The following MBNL1 variants were observed in gnomAD, a reference collection of about 807,000 sequenced individuals.
MBNL1 encodes muscleblind like splicing regulator 1.
A neutral mutation model predicts 42.2 loss-of-function variants in MBNL1; 8 were observed. That is an observed-to-expected ratio of 0.19 (90% CI 0.11 to 0.34). The LOEUF is 0.34. Ranked by LOEUF, MBNL1 falls within the 10% of genes least tolerant of loss-of-function variation. MBNL1 has a pLI of 1.00. For synonymous variants in MBNL1, 169 were observed against 173.9 expected, an observed-to-expected ratio of 0.97 and a Z score of 0.22; for missense variants, 309 against 495.3, an observed-to-expected ratio of 0.62 and a Z score of 3.57.
At chr3:152,368,142 A>G (rs765451510) in intron 2 of MBNL1, among the ~76,000 whole-genome samples, 6 of 152,014 alleles carry the variant, frequency 3.9e-5, no homozygotes, top group Non-Finnish European at 8.8e-5. Flanking sequence ...TTATGGTTTT[A>G]GGTCTTATGT....
At chr3:152,248,070 A>G (rs2149365170) in intron 2 of MBNL1, among the ~76,000 whole-genome samples, 1 of 152,032 alleles carries the variant, frequency 6.6e-6, no homozygotes, top group East Asian at 1.9e-4. Context: ...AAATTGCAAT[A>G]TGATTTTGAG....
chr3:152,257,154 G>A (rs867850363), intron 2 of MBNL1, among the ~76,000 whole-genome samples: 11 of 152,272 alleles, frequency 7.2e-5, no homozygotes, highest in Admixed American at 2.0e-4. Flanking sequence ...TTTTAAGTGC[G>A]TGTGTGTGAG....
intron 1 of MBNL1, among the ~76,000 whole-genome samples, chr3:152,296,441 A>G (rs560988171): frequency 2.6e-4 from 39 of 152,342 alleles, no homozygotes; most frequent in Non-Finnish European, 5.6e-4. Flanking sequence ...ACTTGTGAGT[A>G]GGAAGGTAAG....
chr3:152,400,555 A>G (rs2098170785), intron 2 of MBNL1, among the ~76,000 whole-genome samples: 2 of 152,222 alleles, frequency 1.3e-5, no homozygotes, highest in African/African-American at 4.8e-5. Context: ...AAGGGCTCTC[A>G]TGGGTACATT....
intron 3 of MBNL1, among the ~76,000 whole-genome samples, chr3:152,420,234 G>C (rs1201735039): frequency 1.3e-5 from 2 of 152,198 alleles, no homozygotes; most frequent in Non-Finnish European, 2.9e-5. Flanking sequence ...GAGAGCAGCA[G>C]ATCTCCCACC....
chr3:152,368,625 T>C (rs1411664039), intron 2 of MBNL1, among the ~76,000 whole-genome samples: 3 of 152,252 alleles, frequency 2.0e-5, no homozygotes, highest in South Asian at 2.1e-4. Flanking sequence ...TTTCATGATA[T>C]TGATTCTTCC....
intron 2 of MBNL1, among the ~76,000 whole-genome samples, chr3:152,401,608 G>C (rs1242808762): frequency 6.6e-6 from 1 of 152,168 alleles, no homozygotes; most frequent in Non-Finnish European, 1.5e-5. Context: ...ATAAGGTCAT[G>C]TAGCTAGCGG....
chr3:152,254,725 AATG>A (rs1173272151), intron 2 of MBNL1, among the ~76,000 whole-genome samples: 1 of 152,116 alleles, frequency 6.6e-6, no homozygotes, highest in African/African-American at 2.4e-5. Flanking sequence ...AACCAATGAT[AATG>A]ATGATAATTG....
chr3:152,460,268 T>A (rs1198829674), intron 9 of MBNL1, among the ~76,000 whole-genome samples: 4 of 150,720 alleles, frequency 2.7e-5, no homozygotes, highest in Non-Finnish European at 5.9e-5. Flanking sequence ...AAAAAAAATG[T>A]AGTGAGTCTG....
chr3:152,273,950 A>C (rs771002251), intron 1 of MBNL1, among the ~76,000 whole-genome samples: 1 of 152,204 alleles, frequency 6.6e-6, no homozygotes, highest in Non-Finnish European at 1.5e-5. Flanking sequence ...AATTTATTCA[A>C]ATCACCTGAA....
At chr3:152,384,142 A>T (rs974872571) in intron 2 of MBNL1, among the ~76,000 whole-genome samples, 4 of 152,122 alleles carry the variant, frequency 2.6e-5, no homozygotes, top group Admixed American at 6.6e-5. Flanking sequence ...GAAGTTTGTA[A>T]TGTTTTATTT....
At chr3:152,405,974 A>G (rs544178196) in intron 2 of MBNL1, among the ~76,000 whole-genome samples, 1 of 152,322 alleles carries the variant, frequency 6.6e-6, no homozygotes, top group East Asian at 1.9e-4. Flanking sequence ...CAATTTAAAA[A>G]TAATAGAAAC....
chr3:152,278,799 T>C (rs2046756857), intron 1 of MBNL1, among the ~76,000 whole-genome samples: 1 of 152,116 alleles, frequency 6.6e-6, no homozygotes, highest in Admixed American at 6.6e-5. Context: ...ACAAACATAT[T>C]CTGAGCACGT....
At chr3:152,342,674 G>A (rs1463336405) in intron 2 of MBNL1, among the ~76,000 whole-genome samples, 1 of 151,726 alleles carries the variant, frequency 6.6e-6, no homozygotes, top group Non-Finnish European at 1.5e-5. Context: ...ATAACTTTTA[G>A]ATGAGTAAAT....
chr3:152,259,204 A>G (rs2035882691), intron 2 of MBNL1, among the ~76,000 whole-genome samples: 1 of 152,212 alleles, frequency 6.6e-6, no homozygotes, highest in African/African-American at 2.4e-5. Context: ...GGAGTCTTAA[A>G]GCTGTAGAAG....
At chr3:152,416,372 T>C (rs2098702397) in intron 3 of MBNL1, among the ~76,000 whole-genome samples, 1 of 152,228 alleles carries the variant, frequency 6.6e-6, no homozygotes, top group East Asian at 1.9e-4. Context: ...CTTAAAGTTA[T>C]TTTTGTGACA....
intron 1 of MBNL1, among the ~76,000 whole-genome samples, chr3:152,285,494 A>G (rs1194029177): frequency 2.0e-5 from 3 of 152,210 alleles, no homozygotes; most frequent in East Asian, 1.9e-4. Context: ...AGGAACAAAT[A>G]GTAATTAGGA....
At chr3:152,305,098 C>G (rs1487735114) in intron 2 of MBNL1, among the ~76,000 whole-genome samples, 2 of 152,174 alleles carry the variant, frequency 1.3e-5, no homozygotes, top group African/African-American at 4.8e-5. Context: ...GTGGCACTTA[C>G]AGCTGAATTC....
chr3:152,246,643 T>C (rs990080753), intron 2 of MBNL1, among the ~76,000 whole-genome samples: 1 of 152,080 alleles, frequency 6.6e-6, no homozygotes, highest in African/African-American at 2.4e-5. Flanking sequence ...TATTTTACTG[T>C]GTTTTAGTAG....
Sources: allele counts gnomAD v4.1 joint callset (sites outside exome capture counted in the v4.1 genomes callset), GRCh38; gene constraint gnomAD v4.1.1; transcripts MANE v1.5; gene names NCBI Gene and HGNC (gene_info 2026-07-23, HGNC 2026-07-21).